Variants in EIF4G3 observed in about 807,000 individuals in gnomAD.
The protein encoded by EIF4G3 is eukaryotic translation initiation factor 4 gamma 3.
EIF4G3 carries 34 observed loss-of-function variants against 186.4 expected under a neutral mutation model. That is an observed-to-expected ratio of 0.18 (90% CI 0.14 to 0.24). The LOEUF is 0.24. Ranked by LOEUF, EIF4G3 falls within the 10% of genes least tolerant of loss-of-function variation. EIF4G3 has a pLI of 1.00. For missense variants in EIF4G3, 1,536 were observed against 1,948.5 expected, an observed-to-expected ratio of 0.79 and a Z score of 3.99; for synonymous variants, 673 against 679.5, an observed-to-expected ratio of 0.99 and a Z score of 0.15.
chr1:21,069,203 C>T (rs2095365599), intron 3 of EIF4G3, among the ~76,000 whole-genome samples: 1 of 152,116 alleles, frequency 6.6e-6, no homozygotes, highest in Admixed American at 6.6e-5. Flanking sequence ...AACTTGCTGC[C>T]CACCTACATT....
chr1:20,884,392 A>G (rs939545455), intron 19 of EIF4G3, among the ~76,000 whole-genome samples: 3 of 152,176 alleles, frequency 2.0e-5, no homozygotes, highest in East Asian at 1.9e-4. Context: ...AAAAAAAAGG[A>G]TAACATCTAT....
At chr1:20,972,592 G>A (rs2076111412) in intron 11 of EIF4G3, among the ~76,000 whole-genome samples, 3 of 151,710 alleles carry the variant, frequency 2.0e-5, no homozygotes, top group Admixed American at 6.6e-5. Context: ...CTGAGATCGC[G>A]CCACTGCACT....
intron 14 of EIF4G3, among the ~76,000 whole-genome samples, chr1:20,907,637 T>C (rs1158997360): frequency 1.3e-5 from 2 of 151,026 alleles, no homozygotes. Flanking sequence ...TGAGAACATG[T>C]GGTGTTTGGT....
At chr1:21,135,902 G>A (rs1434750981) in intron 2 of EIF4G3, among the ~76,000 whole-genome samples, 1 of 152,208 alleles carries the variant, frequency 6.6e-6, no homozygotes, top group East Asian at 1.9e-4. Context: ...AAAGAACACA[G>A]GCCGGGCGCG....
chr1:21,023,949 GAC>G (rs2091486258), intron 4 of EIF4G3, among the ~76,000 whole-genome samples: 5 of 56,604 alleles, frequency 8.8e-5, no homozygotes, highest in Admixed American at 1.8e-4. Flanking sequence ...GCCCGGCCAC[GAC>G]CCCATCTGGG....
intron 4 of EIF4G3, among the ~76,000 whole-genome samples, chr1:21,034,402 C>T (rs1322670517): frequency 6.6e-6 from 1 of 152,190 alleles, no homozygotes; most frequent in Non-Finnish European, 1.5e-5. Context: ...ATTATTCTTA[C>T]TCTGTTACTT....
At chr1:21,006,064 A>G (rs879877046) in intron 4 of EIF4G3, among the ~76,000 whole-genome samples, 6 of 152,184 alleles carry the variant, frequency 3.9e-5, no homozygotes, top group African/African-American at 9.7e-5. Flanking sequence ...TTTTGCCAAT[A>G]GATCATTCAA....
chr1:21,165,722 G>A (rs1362586474), intron 2 of EIF4G3, among the ~76,000 whole-genome samples: 1 of 152,076 alleles, frequency 6.6e-6, no homozygotes, highest in Non-Finnish European at 1.5e-5. Context: ...TTCCTTTGGG[G>A]AGTGACAAAA....
intron 30 of EIF4G3, among the ~76,000 whole-genome samples, chr1:20,834,167 G>A (rs567664918): frequency 5.3e-5 from 8 of 152,164 alleles, no homozygotes; most frequent in African/African-American, 9.6e-5. Flanking sequence ...AATAAGATCC[G>A]GCCAGGCGCA....
At chr1:21,064,953 T>G (rs958516692) in intron 3 of EIF4G3, 8 of 152,074 alleles carry the variant, frequency 5.3e-5, no homozygotes, top group African/African-American at 1.9e-4. Context: ...AAGACAAGGT[T>G]GTATGCGAGT....
At chr1:21,084,661 C>T (rs1020453295) in intron 3 of EIF4G3, among the ~76,000 whole-genome samples, 3 of 152,196 alleles carry the variant, frequency 2.0e-5, no homozygotes, top group Admixed American at 6.5e-5. Flanking sequence ...TCACTCCTAT[C>T]TCTGGGCCTC....
Position 20,981,068 on chromosome 1 carries a change from G to C in EIF4G3, c.358C>G (p.Pro120Ala). 6.2e-7 allele frequency: 1 copy of C among 1,611,710 alleles called. No homozygotes were observed. Among genetic ancestry groups the C allele is most frequent in the Non-Finnish European group, 8.5e-7 (1 of 1,178,758 alleles). Reference protein sequence around the residue: ...LPMPYPVPQGPQYCIPQYRHS... With the variant: ...LPMPYPVPQGAQYCIPQYRHS... ...TTTACCTGTGGTATACAGTACTGAG[G>C]CCCCTGGGGCACTGGGTACGGCATG... Residue 120 changes from proline (P) to alanine (A), a missense_variant, in exon 9 of 37, where the codon CCT (proline) becomes GCT (alanine). Physicochemically the swap from Pro to Ala is conservative, Grantham distance 27 (BLOSUM62 -1). Around this residue, in one of 11 missense-constraint regions of EIF4G3, gnomAD observed 194 missense variants for 212.8 expected, o/e 0.91. Coordinates refer to ENST00000602326, the MANE Select transcript of EIF4G3 (RefSeq NM_001391906.1).
intron 12 of EIF4G3, among the ~76,000 whole-genome samples, chr1:20,957,188 G>A (rs1304973917): frequency 6.6e-6 from 1 of 152,144 alleles, no homozygotes; most frequent in East Asian, 1.9e-4. Flanking sequence ...CTTGAAGGCA[G>A]ACTTAAGAGG....
intron 3 of EIF4G3, among the ~76,000 whole-genome samples, chr1:21,087,016 A>T (rs189189241): frequency 4.6e-5 from 7 of 152,174 alleles, no homozygotes; most frequent in Admixed American, 4.6e-4. Context: ...AACACTATGT[A>T]TATGTAACTC....
intron 33 of EIF4G3, among the ~76,000 whole-genome samples, chr1:20,822,676 G>A (rs2062714431): frequency 1.4e-5 from 2 of 147,624 alleles, no homozygotes; most frequent in African/African-American, 2.5e-5. Flanking sequence ...TTCCTGCCTT[G>A]GCCTCCCAAA....
intron 2 of EIF4G3, among the ~76,000 whole-genome samples, chr1:21,120,130 C>T (rs2096900947): frequency 1.3e-5 from 2 of 149,700 alleles, no homozygotes; most frequent in South Asian, 2.1e-4. Flanking sequence ...TATTTTCGCA[C>T]AATGGAGAAA....
chr1:21,145,459 TCTCA>T (rs542716032), intron 2 of EIF4G3, among the ~76,000 whole-genome samples: 117 of 151,388 alleles, frequency 7.7e-4, no homozygotes, highest in South Asian at 5.0e-3. Context: ...AGAGACAGGT[TCTCA>T]CTATGTTTCC....
At position 21,084,561 on chromosome 1, in the gene EIF4G3, A is replaced by G. The variant is rs1247986789; in HGVS notation, c.-196+4577T>C. On this transcript the variant is annotated intron_variant, in intron 3 of 36. Coordinates refer to ENST00000602326, the MANE Select transcript of EIF4G3 (RefSeq NM_001391906.1). Reference sequence around the variant, plus strand: ...TTAAGTAAGGACACAAAGCCAAACCATACCAGTCCACATAATCTGATGTCT... The same window carrying G: ...TTAAGTAAGGACACAAAGCCAAACCGTACCAGTCCACATAATCTGATGTCT... Among the ~76,000 whole-genome samples the G allele has an allele frequency of 2.6e-5, 4 of 152,260 alleles. No individual in the cohort carries two copies. In the East Asian group the frequency reaches 7.7e-4, roughly 29 times the overall value.
intron 2 of EIF4G3, among the ~76,000 whole-genome samples, chr1:21,165,635 A>G (rs916428578): frequency 1.3e-5 from 2 of 152,224 alleles, no homozygotes; most frequent in African/African-American, 4.8e-5. Context: ...AGATATATAG[A>G]GGCAGAAAAT....
Sources: gnomAD v4.1 joint callset for allele counts (sites outside exome capture counted in the v4.1 genomes callset) on GRCh38, gnomAD v4.1.1 for gene constraint, gnomAD v4.1.1 regional missense constraint, MANE v1.5 for transcripts, NCBI Gene and HGNC (gene_info 2026-07-23, HGNC 2026-07-21) for gene names.